The following NELL1 variants were observed in gnomAD, a reference collection of about 807,000 sequenced individuals.
NELL1 encodes protein kinase C-binding protein NELL1.
NELL1 carries 76 observed loss-of-function variants against 107.4 expected under a neutral mutation model. The ratio of observed to expected loss-of-function variants is 0.71; its 90% confidence interval spans 0.59 to 0.86. The LOEUF is 0.86. Ranked by LOEUF, NELL1 falls within the 40% of genes least tolerant of loss-of-function variation. The probability of loss-of-function intolerance (pLI) is 0.00; values close to 1 mark genes in which losing one functional copy is unlikely to be tolerated. For synonymous variants in NELL1, 353 were observed against 341.2 expected, an observed-to-expected ratio of 1.03 and a Z score of -0.38; for missense variants, 1,024 against 1,005.5, an observed-to-expected ratio of 1.02 and a Z score of -0.25.
intron 12 of NELL1, among the ~76,000 whole-genome samples, chr11:21,083,211 C>T (rs1254227476): frequency 6.6e-6 from 1 of 152,116 alleles, no homozygotes; most frequent in Non-Finnish European, 1.5e-5. Flanking sequence ...ACCACGGGGC[C>T]ATTGGAGGAA....
chr11:21,209,617 A>G (rs952664762), intron 13 of NELL1, among the ~76,000 whole-genome samples: 10 of 152,044 alleles, frequency 6.6e-5, no homozygotes, highest in African/African-American at 1.9e-4. Flanking sequence ...TTTACATAGT[A>G]TAAGTTTTAC....
At chr11:21,283,756 T>C (rs1849048414) in intron 14 of NELL1, 2 of 174,432 alleles carry the variant, frequency 1.1e-5, no homozygotes, top group African/African-American at 2.4e-5. Flanking sequence ...TTTCACACAA[T>C]TGAATAGATC....
chr11:21,031,086 A>G (rs993132121), intron 12 of NELL1, among the ~76,000 whole-genome samples: 1 of 152,208 alleles, frequency 6.6e-6, no homozygotes, highest in African/African-American at 2.4e-5. Flanking sequence ...TCAATATAAT[A>G]TTCTTTCTTA....
chr11:20,680,486 C>G (rs1854164190), intron 2 of NELL1, among the ~76,000 whole-genome samples: 1 of 152,074 alleles, frequency 6.6e-6, no homozygotes. Context: ...AAAAATTTCT[C>G]TTTATTGTGG....
At chr11:21,118,219 GC>G (rs1276421093) in intron 13 of NELL1, among the ~76,000 whole-genome samples, 1 of 151,798 alleles carries the variant, frequency 6.6e-6, no homozygotes, top group Non-Finnish European at 1.5e-5. Context: ...TTTTCTGAAA[GC>G]AATGGGGGGC....
chr11:20,958,376 G>A (rs369960897), intron 11 of NELL1, among the ~76,000 whole-genome samples: 239 of 152,180 alleles, frequency 1.6e-3, no homozygotes, highest in African/African-American at 5.4e-3. Context: ...TTGTGCCACC[G>A]CACTCCAACC....
At chr11:21,210,439 G>A (rs1016450546) in intron 13 of NELL1, among the ~76,000 whole-genome samples, 1 of 152,098 alleles carries the variant, frequency 6.6e-6, no homozygotes, top group African/African-American at 2.4e-5. Context: ...GTGTGAAGTG[G>A]TATCTCATTG....
At chr11:20,862,646 G>A (rs923752877) in intron 4 of NELL1, among the ~76,000 whole-genome samples, 11 of 133,410 alleles carry the variant, frequency 8.2e-5, no homozygotes, top group Non-Finnish European at 1.7e-4. Context: ...ATTCTTGGGT[G>A]TTTCTCGCAG....
intron 12 of NELL1, among the ~76,000 whole-genome samples, chr11:20,980,128 C>T (rs1851720104): frequency 6.6e-6 from 1 of 152,068 alleles, no homozygotes; most frequent in Admixed American, 6.6e-5. Context: ...TTCCTCTTTT[C>T]CTTTTATTGT....
At chr11:20,874,002 C>T (rs1379981657) in intron 4 of NELL1, among the ~76,000 whole-genome samples, 1 of 151,958 alleles carries the variant, frequency 6.6e-6, no homozygotes, top group Non-Finnish European at 1.5e-5. Flanking sequence ...TGGGTTCGAG[C>T]AATCCTCCCT....
intron 13 of NELL1, among the ~76,000 whole-genome samples, chr11:21,122,361 T>C (rs1855388276): frequency 6.6e-6 from 1 of 152,212 alleles, no homozygotes; most frequent in South Asian, 2.1e-4. Context: ...GCAGCTCCAC[T>C]CTATCCACAT....
chr11:20,757,449 G>A (rs1856322287), intron 2 of NELL1, among the ~76,000 whole-genome samples: 1 of 152,154 alleles, frequency 6.6e-6, no homozygotes, highest in African/African-American at 2.4e-5. Flanking sequence ...ATTTCTATTA[G>A]CCAGCTTTAG....
At chr11:20,942,044 C>T (rs1414313986) in intron 10 of NELL1, among the ~76,000 whole-genome samples, 1 of 152,122 alleles carries the variant, frequency 6.6e-6, no homozygotes, top group African/African-American at 2.4e-5. Context: ...ATTTTCTTTT[C>T]AACACACCTC....
At chr11:20,719,052 C>T (rs886454582) in intron 2 of NELL1, among the ~76,000 whole-genome samples, 1 of 152,220 alleles carries the variant, frequency 6.6e-6, no homozygotes, top group Non-Finnish European at 1.5e-5. Context: ...AAGTGTATCC[C>T]TTTTGCTTAA....
At chr11:21,102,097 C>G (rs1183554638) in intron 12 of NELL1, among the ~76,000 whole-genome samples, 1 of 152,174 alleles carries the variant, frequency 6.6e-6, no homozygotes, top group African/African-American at 2.4e-5. Context: ...TGGTGATCCA[C>G]CCACCTCAGC....
chr11:20,887,523 A>G (rs1322106790), intron 5 of NELL1, among the ~76,000 whole-genome samples: 1 of 152,194 alleles, frequency 6.6e-6, no homozygotes, highest in Admixed American at 6.5e-5. Context: ...GGATGGGAGA[A>G]ATTACTTAGA....
Position 20,787,071 on chromosome 11 carries a change from CACCATGAAAGACAAGTA to C in NELL1, c.335+3242_335+3258del, listed in dbSNP as rs561209635. Among the ~76,000 whole-genome samples the C allele has an allele frequency of 4.1e-5, 6 of 146,564 alleles. No individual in the cohort carries two copies. In the South Asian group the frequency reaches 1.3e-3, roughly 32 times the overall value. ...TACACTTGCAAGAGAGCCAAGCAGGCACCATGAAAGACAAGTACGAAAAATCTCAAACCTCAGATCCT... is the reference window on the plus strand; with the variant it reads ...TACACTTGCAAGAGAGCCAAGCAGGCCGAAAAATCTCAAACCTCAGATCCT... On this transcript the variant is annotated intron_variant, in intron 3 of 19. Transcript: ENST00000357134.
At chr11:20,843,567 T>TA (rs34785383) in intron 3 of NELL1, among the ~76,000 whole-genome samples, 47,348 of 146,546 alleles carry the variant, frequency 0.32, 8,671 homozygotes, top group African/African-American at 0.49. Context: ...GTTCTATATA[T>TA]AAAATATAAT....
At chr11:21,393,608 C>A (rs542594115) in intron 15 of NELL1, among the ~76,000 whole-genome samples, 1 of 151,648 alleles carries the variant, frequency 6.6e-6, no homozygotes, top group Non-Finnish European at 1.5e-5. Context: ...TAGTGACCTG[C>A]ATTTGGCTAG....
Sources: gnomAD v4.1 joint callset for allele counts (sites outside exome capture counted in the v4.1 genomes callset) on GRCh38, gnomAD v4.1.1 for gene constraint, MANE v1.5 for transcripts, NCBI Gene and HGNC (gene_info 2026-07-23, HGNC 2026-07-21) for gene names.